Variants in COA1 observed in about 807,000 individuals in gnomAD.
COA1 encodes cytochrome c oxidase assembly factor 1, also known as cytochrome c oxidase assembly factor 1 homolog.
COA1 carries 13 observed loss-of-function variants against 16.0 expected under a neutral mutation model. The observed-to-expected ratio is 0.81, with a 90% CI of 0.53 to 1.29. COA1 has a LOEUF of 1.29. Among genes scored for constraint, COA1 ranks in the 50% most tolerant of loss-of-function variants. COA1 has a pLI of 0.00. For synonymous variants in COA1, 65 were observed against 65.7 expected (o/e 0.99, Z 0.05); for missense variants, 179 against 177.0 (o/e 1.01, Z -0.06).
chr7:43,720,096 T>C (rs1293265235), intron 1 of COA1, among the ~76,000 whole-genome samples: 2 of 151,968 alleles, frequency 1.3e-5, no homozygotes, highest in East Asian at 1.9e-4. Context: ...CTGGCCAACA[T>C]GGTGAAACCC....
chr7:43,696,338 A>G (rs956016782), intron 1 of COA1, among the ~76,000 whole-genome samples: 1 of 152,228 alleles, frequency 6.6e-6, no homozygotes, highest in African/African-American at 2.4e-5. Flanking sequence ...CAATGATTCA[A>G]TTATCTCCAC....
At chr7:43,659,884 G>A (rs149991057) in intron 1 of COA1, among the ~76,000 whole-genome samples, 1 of 152,174 alleles carries the variant, frequency 6.6e-6, no homozygotes, top group Non-Finnish European at 1.5e-5. Context: ...GGTCTTTAAA[G>A]AGGTAATTAA....
intron 1 of COA1, among the ~76,000 whole-genome samples, chr7:43,706,583 A>C (rs1563435646): frequency 6.7e-6 from 1 of 148,580 alleles, no homozygotes; most frequent in Admixed American, 6.7e-5. Context: ...AAATAAAAAA[A>C]CCCAGCCAGG....
At position 43,646,496 on chromosome 7, in the gene COA1, A is replaced by T. The variant is rs185038299; in HGVS notation, c.115+1039T>A. The T allele has an allele frequency of 6.6e-6, 3 of 453,440 alleles. No homozygotes were observed. In the East Asian group the frequency reaches 2.1e-4, roughly 32 times the overall value. 28.1% of individuals were successfully genotyped at this position (453,440 alleles called of 1,614,324 possible). A position where few individuals can be genotyped will look rare whatever the true frequency, so the allele number is the denominator to read the frequency against. On this transcript the variant is annotated intron_variant, in intron 3 of 5. Coordinates refer to ENST00000223336, the MANE Select transcript of COA1 (RefSeq NM_018224.4). ...GACGGACTCCCCCATAAGGCCACAT[A>T]GCTGGTCAAGAGCTGGAGCCGAGAT...
intron 1 of COA1, among the ~76,000 whole-genome samples, chr7:43,725,687 G>A (rs1486312308): frequency 1.3e-5 from 2 of 151,864 alleles, no homozygotes; most frequent in South Asian, 4.2e-4. Context: ...GTGAAACCCC[G>A]TCTCTACTAT....
At chr7:43,655,252 C>T (rs1436591569) in intron 1 of COA1, among the ~76,000 whole-genome samples, 1 of 152,122 alleles carries the variant, frequency 6.6e-6, no homozygotes, top group African/African-American at 2.4e-5. Context: ...ATCCTCCTGC[C>T]AAGTACTAGT....
intron 1 of COA1, among the ~76,000 whole-genome samples, chr7:43,653,435 G>C (rs1313062853): frequency 6.6e-6 from 1 of 152,134 alleles, no homozygotes; most frequent in Admixed American, 6.5e-5. Flanking sequence ...AAAGCAAAAT[G>C]ATAAAAGCAT....
chr7:43,616,001 G>A (rs536616841), intron 6 of COA1, among the ~76,000 whole-genome samples: 6 of 152,258 alleles, frequency 3.9e-5, no homozygotes, highest in Admixed American at 6.5e-5. Context: ...TGCTTAAAGC[G>A]ACCTGAGGTG....
At chr7:43,702,596 T>C (rs546474163) in intron 1 of COA1, among the ~76,000 whole-genome samples, 100 of 152,128 alleles carry the variant, frequency 6.6e-4, no homozygotes, top group East Asian at 1.4e-3. Context: ...TCTTGGGGGG[T>C]TGTATGTTTC....
At position 43,729,500 on chromosome 7, in the gene COA1, A is replaced by G. The variant is rs2095699000; in HGVS notation, c.-110T>C. 1 of 152,266 alleles carries G rather than the reference A, an allele frequency of 6.6e-6. No homozygotes were observed. Among genetic ancestry groups the G allele is most frequent in the Non-Finnish European group, 1.5e-5 (1 of 68,086 alleles). The allele number at this position is 152,266 out of a possible 1,614,324, so 9.4% of individuals were successfully genotyped here. The stretch of plus-strand genomic sequence containing the variant: ...TCCAGGCTTGGGAAAGCACGGGTAA[A>G]TGCCCGCGGTCCTGCGCGCCAGCGG... On this transcript the variant is annotated 5_prime_UTR_variant, in exon 1 of 6. Coordinates refer to ENST00000223336, the MANE Select transcript of COA1 (RefSeq NM_018224.4).
intron 1 of COA1, among the ~76,000 whole-genome samples, chr7:43,674,350 G>A (rs1283463423): frequency 6.6e-6 from 1 of 152,134 alleles, no homozygotes; most frequent in East Asian, 1.9e-4. Context: ...TCTGTTTCAT[G>A]TGTTATATTG....
At chr7:43,690,456 C>T (rs1191846569) in intron 1 of COA1, among the ~76,000 whole-genome samples, 1 of 152,158 alleles carries the variant, frequency 6.6e-6, no homozygotes, top group East Asian at 1.9e-4. Context: ...TATACACACA[C>T]ACACATATAT....
intron 1 of COA1, among the ~76,000 whole-genome samples, chr7:43,688,513 C>CAGGATTAT (rs2094137076): frequency 1.3e-5 from 2 of 152,084 alleles, no homozygotes; most frequent in Non-Finnish European, 2.9e-5. Flanking sequence ...GATTAAAAAC[C>CAGGATTAT]TCTTTATCAC....
At chr7:43,679,194 G>A (rs2093657538) in intron 1 of COA1, among the ~76,000 whole-genome samples, 1 of 151,260 alleles carries the variant, frequency 6.6e-6, no homozygotes, top group African/African-American at 2.4e-5. Flanking sequence ...TTGAACTCGG[G>A]AGGCGGAGGT....
rs200121210 is a variant in COA1 at position 43,651,922 on chromosome 7, AGGAGGT to A, written c.-38-3276_-38-3271del. On this transcript the variant is annotated intron_variant, in intron 1 of 5. Transcript: ENST00000223336. ...TGAGGCAGGAGGATGGCTTGAGCCC[AGGAGGT>A]GGAGGTTGCCATGAGCCGAGACCAT... Among the ~76,000 whole-genome samples the A allele has an allele frequency of 4.7e-3, 717 of 152,216 alleles. 3 individuals are homozygous for A. Among genetic ancestry groups the A allele is most frequent in the African/African-American group, 0.016 (684 of 41,522 alleles).
In COA1 at chr7:43,648,893, A is replaced by G. The variant is rs2090151952; in HGVS notation, c.-38-241T>C. Reference sequence around the variant, plus strand: ...CTGTGTCCTATGTAGTTTTTGTTACAGCAACCAAAGAACCGGTGTGCACAA... The same window carrying G: ...CTGTGTCCTATGTAGTTTTTGTTACGGCAACCAAAGAACCGGTGTGCACAA... On this transcript the variant is annotated intron_variant, in intron 1 of 5. Coordinates refer to ENST00000223336, the MANE Select transcript of COA1 (RefSeq NM_018224.4). 2.4e-5 allele frequency: 10 copies of G among 424,418 alleles called. No homozygotes were observed. The South Asian group carries it at 3.5e-4, about 15-fold the overall frequency. 26.3% of individuals were successfully genotyped at this position (424,418 alleles called of 1,614,324 possible).
At chr7:43,629,736 G>C (rs762387953) in intron 6 of COA1, among the ~76,000 whole-genome samples, 48 of 152,208 alleles carry the variant, frequency 3.2e-4, no homozygotes, top group Non-Finnish European at 1.6e-4. Context: ...TTTCAGATTA[G>C]AGATGCAATA....
chr7:43,664,103 A>AAGAGAAAGAGAGAGAGAGAG (rs1554520106), intron 1 of COA1, among the ~76,000 whole-genome samples: 1 of 135,144 alleles, frequency 7.4e-6, no homozygotes, highest in South Asian at 2.5e-4. Flanking sequence ...TGTCTTTAGA[A>AAGAGAAAGAGAGAGAGAGAG]AGAGAGAGAG....
intron 4 of COA1, 127 bp from the exon 5 acceptor site, chr7:43,640,776 C>A (rs2153066616): frequency 3.1e-6 from 2 of 654,606 alleles, no homozygotes; most frequent in South Asian, 2.3e-5. Flanking sequence ...GAAGTGAGTT[C>A]TTTTCTAACA....
Sources: gnomAD v4.1 joint callset for allele counts (sites outside exome capture counted in the v4.1 genomes callset) on GRCh38, gnomAD v4.1.1 for gene constraint, MANE v1.5 for transcripts, NCBI Gene and HGNC (gene_info 2026-07-23, HGNC 2026-07-21) for gene names.